Variants in EPHA6 observed in about 807,000 individuals in gnomAD.
EPHA6 encodes ephrin type-A receptor 6.
EPHA6 carries 50 observed loss-of-function variants against 112.0 expected under a neutral mutation model. That is an observed-to-expected ratio of 0.45 (90% CI 0.36 to 0.56). The LOEUF is 0.56. Among genes scored for constraint, EPHA6 ranks in the 20% least tolerant of loss-of-function variants. The pLI, the probability that EPHA6 is intolerant of heterozygous loss-of-function variation, is 0.00. For synonymous variants in EPHA6, 529 were observed against 490.7 expected, an observed-to-expected ratio of 1.08 and a Z score of -1.03; for missense variants, 1,280 against 1,417.4, an observed-to-expected ratio of 0.90 and a Z score of 1.56.
At chr3:97,014,160 TAGAG>T (rs2107954830) in intron 3 of EPHA6, among the ~76,000 whole-genome samples, 1 of 152,234 alleles carries the variant, frequency 6.6e-6, no homozygotes, top group African/African-American at 2.4e-5. Context: ...GATAAACAGA[TAGAG>T]AAAGAGATAA....
chr3:96,814,909 G>T lies in EPHA6; in HGVS notation c.286G>T (p.Gly96Trp). 1 of 1,552,870 alleles carries T rather than the reference G, an allele frequency of 6.4e-7. No homozygotes were observed. Among genetic ancestry groups the T allele is most frequent in the Non-Finnish European group, 8.7e-7 (1 of 1,147,502 alleles). The change falls in exon 1 of 18, where the codon GGG becomes TGG. Residue 96 changes from glycine to tryptophan, a missense_variant. By Grantham distance (184) the Gly-to-Trp change is radical. Transcript: ENST00000389672. Reference sequence around the variant, plus strand: ...GAAAAGAGAGCCTAGGAGAACCATGGGGGGCTGCGAAGTCCGGGAATTTCT... The same window carrying T: ...GAAAAGAGAGCCTAGGAGAACCATGTGGGGCTGCGAAGTCCGGGAATTTCT... ...ERKREPRRTM[G>W]GCEVREFLLQ...
At chr3:97,581,369 A>C (rs1170465088) in intron 11 of EPHA6, among the ~76,000 whole-genome samples, 1 of 152,242 alleles carries the variant, frequency 6.6e-6, no homozygotes, top group African/African-American at 2.4e-5. Context: ...GAAGCAAAAC[A>C]TGGGTACATG....
intron 5 of EPHA6, among the ~76,000 whole-genome samples, chr3:97,368,117 A>T (rs79379982): frequency 0.012 from 1,882 of 152,292 alleles, 33 homozygotes; most frequent in African/African-American, 0.041. Context: ...GGAATATTGC[A>T]AGCCTTTCCC....
chr3:97,313,571 A>G (rs2081658683), intron 5 of EPHA6, among the ~76,000 whole-genome samples: 1 of 151,510 alleles, frequency 6.6e-6, no homozygotes, highest in Non-Finnish European at 1.5e-5. Context: ...TTTGATACTA[A>G]CCATTTTAAC....
At chr3:97,583,685 C>T (rs1340284018) in intron 11 of EPHA6, among the ~76,000 whole-genome samples, 1 of 152,168 alleles carries the variant, frequency 6.6e-6, no homozygotes, top group Non-Finnish European at 1.5e-5. Context: ...TAAGAAGACT[C>T]AATATTATTC....
At chr3:97,114,716 T>G (rs2047829649) in intron 3 of EPHA6, among the ~76,000 whole-genome samples, 1 of 152,064 alleles carries the variant, frequency 6.6e-6, no homozygotes, top group African/African-American at 2.4e-5. Flanking sequence ...TTTTTTGCTG[T>G]GAGTCCACTA....
chr3:97,221,497 A>G (rs2078199500), intron 3 of EPHA6, among the ~76,000 whole-genome samples: 1 of 152,120 alleles, frequency 6.6e-6, no homozygotes, highest in Non-Finnish European at 1.5e-5. Flanking sequence ...CTTGAAAGCA[A>G]GAAGTTTATA....
At chr3:97,037,674 C>T (rs1327374545) in intron 3 of EPHA6, among the ~76,000 whole-genome samples, 2 of 151,928 alleles carry the variant, frequency 1.3e-5, no homozygotes, top group South Asian at 2.1e-4. Flanking sequence ...AAGAGGAGAG[C>T]GGATCATAAG....
chr3:97,332,260 A>C (rs1559893384), intron 5 of EPHA6, among the ~76,000 whole-genome samples: 1 of 152,088 alleles, frequency 6.6e-6, no homozygotes, highest in East Asian at 1.9e-4. Flanking sequence ...ACATATCTCA[A>C]AATAATAAGA....
Position 97,751,490 on chromosome 3 carries a change from T to C in EPHA6, c.*2789T>C, listed in dbSNP as rs2035899894. Among the ~76,000 whole-genome samples, 1 of 152,118 alleles carries C rather than the reference T, an allele frequency of 6.6e-6. No individual in the cohort carries two copies. Among genetic ancestry groups the C allele is most frequent in the African/African-American group, 2.4e-5 (1 of 41,456 alleles). On this transcript the variant is annotated 3_prime_UTR_variant, in exon 18 of 18. Transcript: ENST00000389672. ...ATGGTTATGGCAACATTGAAACATG[T>C]GTGCAAGATTAAACAGAAACATTAA... is the stretch of plus-strand genomic sequence containing the variant.
At chr3:97,511,091 G>C (rs570937453) in intron 10 of EPHA6, among the ~76,000 whole-genome samples, 12 of 152,266 alleles carry the variant, frequency 7.9e-5, no homozygotes, top group Admixed American at 1.3e-4. Context: ...ATTTCAAGCC[G>C]GTGGATCTTA....
rs1191725685 is a variant in EPHA6, at chr3:96,835,321, C to G, written c.385+20313C>G. 2.6e-5 allele frequency among the ~76,000 whole-genome samples: 4 copies of G among 152,014 alleles called. No individual in the cohort carries two copies. In the East Asian group the frequency reaches 7.7e-4, roughly 29 times the overall value. On this transcript the variant is annotated intron_variant, in intron 1 of 17. Transcript: ENST00000389672. The stretch of plus-strand genomic sequence containing the variant: ...GGTGATGAAAGTATGTACAGCTTAT[C>G]AAAGGCTTCAAAGGAAGTGGTGGTC...
At chr3:97,647,040 A>T (rs985851334) in intron 14 of EPHA6, among the ~76,000 whole-genome samples, 2 of 152,208 alleles carry the variant, frequency 1.3e-5, no homozygotes, top group Non-Finnish European at 2.9e-5. Context: ...TGTCCCATGC[A>T]GTTCCTTCGT....
chr3:97,439,205 A>G (rs1307025495), intron 6 of EPHA6, among the ~76,000 whole-genome samples: 1 of 152,144 alleles, frequency 6.6e-6, no homozygotes, highest in African/African-American at 2.4e-5. Flanking sequence ...ATGCATTTCA[A>G]AGTGATTTGG....
At chr3:96,846,829 T>C (rs1297712857) in intron 1 of EPHA6, among the ~76,000 whole-genome samples, 1 of 152,098 alleles carries the variant, frequency 6.6e-6, no homozygotes, top group Non-Finnish European at 1.5e-5. Flanking sequence ...GATTTATTGT[T>C]CCTTACCATT....
chr3:97,413,153 A>G (rs998099489), intron 6 of EPHA6, among the ~76,000 whole-genome samples: 1 of 151,978 alleles, frequency 6.6e-6, no homozygotes, highest in Non-Finnish European at 1.5e-5. Flanking sequence ...CCATGAATTC[A>G]AAGTGCAGTC....
intron 5 of EPHA6, among the ~76,000 whole-genome samples, chr3:97,276,116 A>G (rs376272942): frequency 1.2e-4 from 18 of 152,066 alleles, no homozygotes; most frequent in East Asian, 1.2e-3. Context: ...AAAGAAGGTA[A>G]TATGGAATTA....
chr3:96,980,117 G>A (rs1322690827), intron 2 of EPHA6, among the ~76,000 whole-genome samples: 1 of 152,150 alleles, frequency 6.6e-6, no homozygotes, highest in Non-Finnish European at 1.5e-5. Context: ...TAGACATGAA[G>A]TCCTTGCCCA....
intron 2 of EPHA6, among the ~76,000 whole-genome samples, chr3:96,941,402 G>C (rs2040936466): frequency 6.6e-6 from 1 of 152,080 alleles, no homozygotes; most frequent in Non-Finnish European, 1.5e-5. Context: ...GGCTCCTGAG[G>C]CTTCTGCATT....
Sources: allele counts gnomAD v4.1 joint callset (sites outside exome capture counted in the v4.1 genomes callset), GRCh38; gene constraint gnomAD v4.1.1; transcripts MANE v1.5; gene names NCBI Gene and HGNC (gene_info 2026-07-23, HGNC 2026-07-21).